IQCM: variants seen among roughly 807,000 people sequenced by gnomAD.
IQCM encodes IQ domain-containing protein M.
In IQCM, 45 loss-of-function variants were observed where a neutral mutation model predicts 57.6. The ratio of observed to expected loss-of-function variants is 0.78; its 90% CI spans 0.62 to 1.00. IQCM has a LOEUF of 1.00. Among genes scored for constraint, IQCM ranks in the 50% least tolerant of loss-of-function variants. The pLI is 0.00. For synonymous variants in IQCM, 148 were observed against 158.9 expected, an observed-to-expected ratio of 0.93 and a Z score of 0.51; for missense variants, 468 against 511.6, an observed-to-expected ratio of 0.91 and a Z score of 0.82.
intron 3 of IQCM, among the ~76,000 whole-genome samples, chr4:149,736,233 C>T (rs947646168): frequency 6.6e-6 from 1 of 151,956 alleles, no homozygotes; most frequent in African/African-American, 2.4e-5. Flanking sequence ...CAGGTGTGAC[C>T]GAAAGCACCC....
intron 2 of IQCM, among the ~76,000 whole-genome samples, chr4:149,778,147 C>A (rs917484867): frequency 2.4e-4 from 36 of 152,268 alleles, no homozygotes; most frequent in African/African-American, 8.7e-4. Flanking sequence ...GAGGCCAAGG[C>A]GGGTGGATCA....
intron 12 of IQCM, among the ~76,000 whole-genome samples, chr4:149,536,432 A>G (rs1381913512): frequency 2.0e-5 from 3 of 151,956 alleles, no homozygotes; most frequent in Non-Finnish European, 4.4e-5. Context: ...TTTGCACATT[A>G]TCTCTCTTCT....
intron 4 of IQCM, among the ~76,000 whole-genome samples, chr4:149,734,662 T>C (rs908508386): frequency 5.3e-5 from 8 of 152,028 alleles, no homozygotes; most frequent in African/African-American, 1.7e-4. Context: ...CATCCGAAGT[T>C]ACCCTCCCCT....
intron 8 of IQCM, among the ~76,000 whole-genome samples, chr4:149,616,486 T>C (rs1755799956): frequency 6.6e-6 from 1 of 152,020 alleles, no homozygotes; most frequent in South Asian, 2.1e-4. Context: ...TTTGGGAAGA[T>C]AAAAAAGCTC....
chr4:149,510,860 C>A (rs1029483916), intron 12 of IQCM, among the ~76,000 whole-genome samples: 1 of 152,226 alleles, frequency 6.6e-6, no homozygotes, highest in South Asian at 2.1e-4. Context: ...CACAACATCA[C>A]TGATGGTAGT....
At chr4:149,757,427 G>T (rs1417283627) in intron 2 of IQCM, among the ~76,000 whole-genome samples, 3 of 151,926 alleles carry the variant, frequency 2.0e-5, no homozygotes, top group Admixed American at 2.0e-4. Context: ...AGACAATTCA[G>T]CTCAGGTTGG....
intron 13 of IQCM, chr4:149,430,146 T>C (rs973275959): frequency 1.0e-4 from 54 of 520,914 alleles, no homozygotes; most frequent in Non-Finnish European, 1.4e-4. Context: ...CTTCTTCCTC[T>C]AGGCTATTAT....
rs1007413456 is a variant in IQCM at position 149,359,709 on chromosome 4, A to T, written c.1391-7643T>A. 3.3e-5 allele frequency among the ~76,000 whole-genome samples: 5 copies of T among 152,282 alleles called. No individual in the cohort carries two copies. The South Asian group carries it at 1.0e-3, about 32-fold the overall frequency. ...TATATTTTCTTTTAAATTATCTACA[A>T]ATTTTTATATTCACAAGTCCATGTT... On this transcript the variant is annotated intron_variant, in intron 13 of 13. Transcript: ENST00000636793.
At chr4:149,814,281 C>G (rs1193915947) in intron 2 of IQCM, among the ~76,000 whole-genome samples, 1 of 151,984 alleles carries the variant, frequency 6.6e-6, no homozygotes, top group Non-Finnish European at 1.5e-5. Context: ...TAATTTCACT[C>G]TAAATGATAA....
At chr4:149,399,324 C>G (rs2111121337) in intron 13 of IQCM, among the ~76,000 whole-genome samples, 1 of 151,882 alleles carries the variant, frequency 6.6e-6, no homozygotes, top group East Asian at 2.0e-4. Flanking sequence ...TCCATGAGAA[C>G]TACAGATAAT....
chr4:149,601,356 T>G (rs530129251), intron 8 of IQCM, among the ~76,000 whole-genome samples: 49 of 152,272 alleles, frequency 3.2e-4, no homozygotes, highest in African/African-American at 1.1e-3. Context: ...TAAGCCAGCA[T>G]GTAGGTAAAC....
chr4:149,562,581 C>T (rs970360124), intron 10 of IQCM, among the ~76,000 whole-genome samples: 1 of 152,132 alleles, frequency 6.6e-6, no homozygotes, highest in Non-Finnish European at 1.5e-5. Flanking sequence ...GGTTTGAATT[C>T]TAGCTCTTTC....
intron 7 of IQCM, among the ~76,000 whole-genome samples, chr4:149,661,600 A>G (rs1377248166): frequency 1.3e-5 from 2 of 152,092 alleles, no homozygotes; most frequent in African/African-American, 4.8e-5. Flanking sequence ...CTTTGATGGA[A>G]GATTTTTTGT....
chr4:149,701,924 T>C (rs1332704379), intron 5 of IQCM, among the ~76,000 whole-genome samples: 1 of 151,974 alleles, frequency 6.6e-6, no homozygotes, highest in Non-Finnish European at 1.5e-5. Context: ...TAAGATTCTA[T>C]AATTAGAAGG....
intron 7 of IQCM, among the ~76,000 whole-genome samples, chr4:149,638,807 CAAG>C (rs754419263): frequency 5.9e-5 from 9 of 152,178 alleles, no homozygotes; most frequent in Non-Finnish European, 1.0e-4. Context: ...ATGCATACAC[CAAG>C]AAGGAGAGCA....
chr4:149,814,591 T>C (rs1774883038), intron 2 of IQCM, among the ~76,000 whole-genome samples: 1 of 151,990 alleles, frequency 6.6e-6, no homozygotes, highest in Non-Finnish European at 1.5e-5. Flanking sequence ...CAGATTTTTT[T>C]CATAACAAAT....
At chr4:149,369,822 A>G (rs1488649068) in intron 13 of IQCM, among the ~76,000 whole-genome samples, 1 of 152,208 alleles carries the variant, frequency 6.6e-6, no homozygotes, top group African/African-American at 2.4e-5. Context: ...TAATAGACAA[A>G]CTTTGCAAAG....
At chr4:149,451,426 T>C (rs1737109396) in intron 12 of IQCM, among the ~76,000 whole-genome samples, 1 of 151,782 alleles carries the variant, frequency 6.6e-6, no homozygotes, top group Non-Finnish European at 1.5e-5. Flanking sequence ...TGCATGTCTG[T>C]ATCACAGCAT....
intron 2 of IQCM, among the ~76,000 whole-genome samples, chr4:149,743,641 A>C (rs1268470779): frequency 1.3e-5 from 2 of 152,118 alleles, no homozygotes; most frequent in African/African-American, 4.8e-5. Flanking sequence ...AGTTTCCCAG[A>C]ATATTTAAAT....
Sources: allele counts gnomAD v4.1 joint callset (sites outside exome capture counted in the v4.1 genomes callset), GRCh38; gene constraint gnomAD v4.1.1; transcripts MANE v1.5; gene names NCBI Gene and HGNC (gene_info 2026-07-23, HGNC 2026-07-21).